The following CNTNAP5 variants were observed in gnomAD, a reference collection of about 807,000 sequenced individuals.
CNTNAP5 encodes the protein contactin-associated protein-like 5.
CNTNAP5 carries 72 observed loss-of-function variants against 150.2 expected under a neutral mutation model. The observed-to-expected ratio is 0.48, with a 90% CI of 0.40 to 0.58. CNTNAP5 has a LOEUF of 0.58. Among genes scored for constraint, CNTNAP5 ranks in the 20% least tolerant of loss-of-function variants. CNTNAP5 has a pLI of 0.00. For missense variants in CNTNAP5, 1,636 were observed against 1,626.2 expected (o/e 1.01, Z -0.10); for synonymous variants, 672 against 619.8 (o/e 1.08, Z -1.25).
chr2:124,817,367 C>T (rs928096267), intron 19 of CNTNAP5, among the ~76,000 whole-genome samples: 6 of 151,832 alleles, frequency 4.0e-5, no homozygotes, highest in African/African-American at 1.2e-4. Context: ...TATTTATTTG[C>T]ACTTTTATAG....
intron 12 of CNTNAP5, among the ~76,000 whole-genome samples, chr2:124,636,533 A>T (rs1677973006): frequency 6.6e-6 from 1 of 152,190 alleles, no homozygotes; most frequent in South Asian, 2.1e-4. Flanking sequence ...ATACTTGAAC[A>T]TGAATGATCT....
chr2:124,461,533 G>A (rs1281954759), intron 6 of CNTNAP5, among the ~76,000 whole-genome samples: 1 of 129,568 alleles, frequency 7.7e-6, no homozygotes, highest in Non-Finnish European at 1.6e-5. Flanking sequence ...GTTGTGGGGT[G>A]GGGGGAGGGG....
At chr2:124,528,673 A>G (rs949913817) in intron 10 of CNTNAP5, among the ~76,000 whole-genome samples, 2 of 152,146 alleles carry the variant, frequency 1.3e-5, no homozygotes, top group Admixed American at 6.5e-5. Context: ...ACCTGGTGTG[A>G]ATAAGTCCAG....
At chr2:124,303,699 G>A (rs904741481) in intron 3 of CNTNAP5, among the ~76,000 whole-genome samples, 2 of 152,278 alleles carry the variant, frequency 1.3e-5, no homozygotes, top group East Asian at 3.9e-4. Context: ...GATGAGGCAT[G>A]ACCTAACTCA....
intron 3 of CNTNAP5, among the ~76,000 whole-genome samples, chr2:124,346,263 T>C (rs968078292): frequency 6.6e-6 from 1 of 152,158 alleles, no homozygotes; most frequent in East Asian, 1.9e-4. Flanking sequence ...TAACTGTCAG[T>C]GATGAAATAA....
chr2:124,035,011 CCCCTCCCTCCCTT>C (rs1681173117), intron 1 of CNTNAP5, among the ~76,000 whole-genome samples: 10 of 70,214 alleles, frequency 1.4e-4, no homozygotes, highest in Non-Finnish European at 1.9e-4. Context: ...CCCCTCCCCT[CCCCTCCCTCCCTT>C]CCTTCCTTCC....
intron 7 of CNTNAP5, among the ~76,000 whole-genome samples, chr2:124,475,094 T>A (rs1693608779): frequency 6.6e-6 from 1 of 151,932 alleles, no homozygotes. Context: ...ATTAGGGCCA[T>A]CCAGAGAATT....
At chr2:124,738,482 C>T (rs986972653) in intron 13 of CNTNAP5, among the ~76,000 whole-genome samples, 6 of 152,120 alleles carry the variant, frequency 3.9e-5, no homozygotes, top group African/African-American at 1.4e-4. Context: ...CCTGTAATCT[C>T]AGCACTTTGG....
At chr2:124,407,178 AT>A (rs1247986576) in intron 3 of CNTNAP5, among the ~76,000 whole-genome samples, 1 of 152,070 alleles carries the variant, frequency 6.6e-6, no homozygotes, top group Non-Finnish European at 1.5e-5. Flanking sequence ...TGATATACTA[AT>A]TTCCTTTCCT....
intron 3 of CNTNAP5, among the ~76,000 whole-genome samples, chr2:124,280,755 C>G (rs758403640): frequency 4.5e-4 from 68 of 151,492 alleles, no homozygotes; most frequent in Middle Eastern, 3.4e-3. Context: ...GTTACATGAC[C>G]CCAGTTCTCT....
At chr2:124,558,542 TGTAGCCGTGA>T (rs992747442) in intron 10 of CNTNAP5, among the ~76,000 whole-genome samples, 2 of 152,212 alleles carry the variant, frequency 1.3e-5, no homozygotes, top group African/African-American at 4.8e-5. Flanking sequence ...GTCACTGGTG[TGTAGCCGTGA>T]GATTTGCTTT....
intron 6 of CNTNAP5, among the ~76,000 whole-genome samples, chr2:124,463,776 G>C (rs1216176792): frequency 6.6e-6 from 1 of 152,174 alleles, no homozygotes; most frequent in Non-Finnish European, 1.5e-5. Context: ...ACTTTTCATT[G>C]AGAAGGCTGC....
intron 3 of CNTNAP5, among the ~76,000 whole-genome samples, chr2:124,364,618 G>A (rs1334172733): frequency 6.6e-6 from 1 of 152,068 alleles, no homozygotes; most frequent in Non-Finnish European, 1.5e-5. Context: ...GGAACCCTCA[G>A]TAAATAAATA....
At chr2:124,094,153 G>T (rs577541148) in intron 1 of CNTNAP5, among the ~76,000 whole-genome samples, 7 of 152,322 alleles carry the variant, frequency 4.6e-5, no homozygotes, top group African/African-American at 1.7e-4. Flanking sequence ...TGGTCTAAAC[G>T]TGCAAACTCA....
At chr2:124,280,333 A>C (rs749632395) in intron 3 of CNTNAP5, among the ~76,000 whole-genome samples, 1 of 151,810 alleles carries the variant, frequency 6.6e-6, no homozygotes. Context: ...ATGCCCAGAT[A>C]ATTTTTTTGT....
chr2:124,269,318 T>G (rs1687685975), intron 3 of CNTNAP5, among the ~76,000 whole-genome samples: 1 of 152,172 alleles, frequency 6.6e-6, no homozygotes, highest in Non-Finnish European at 1.5e-5. Context: ...GAGTACCTTG[T>G]GCCCTTGAGA....
chr2:124,486,000 G>T (rs1272830171), intron 7 of CNTNAP5, among the ~76,000 whole-genome samples: 1 of 152,088 alleles, frequency 6.6e-6, no homozygotes, highest in Non-Finnish European at 1.5e-5. Context: ...AAAGACACTT[G>T]GACTTGCATG....
At chr2:124,058,568 T>C (rs1185013620) in intron 1 of CNTNAP5, among the ~76,000 whole-genome samples, 3 of 152,206 alleles carry the variant, frequency 2.0e-5, no homozygotes, top group African/African-American at 7.2e-5. Flanking sequence ...CTCCTCCCTG[T>C]ACTATCCCCA....
chr2:124,584,729 A>G (rs1696490060), intron 11 of CNTNAP5, among the ~76,000 whole-genome samples: 1 of 152,204 alleles, frequency 6.6e-6, no homozygotes, highest in Non-Finnish European at 1.5e-5. Context: ...AATATAGACA[A>G]ATAAATACTG....
Sources: gnomAD v4.1 joint callset for allele counts (sites outside exome capture counted in the v4.1 genomes callset) on GRCh38, gnomAD v4.1.1 for gene constraint, MANE v1.5 for transcripts, NCBI Gene and HGNC (gene_info 2026-07-23, HGNC 2026-07-21) for gene names.